Variants in CACNA1G observed in about 807,000 individuals in gnomAD.
CACNA1G encodes the protein voltage-dependent T-type calcium channel subunit alpha-1G.
Under a neutral mutation model 219.4 loss-of-function variants are expected in CACNA1G, and 67 were observed. The observed-to-expected ratio is 0.31, with a 90% CI of 0.25 to 0.37. The LOEUF (loss-of-function observed/expected upper bound fraction) is 0.37, where lower values mean the gene tolerates loss of function less well. CACNA1G is among the 10% of genes least tolerant of loss of function. The probability of loss-of-function intolerance (pLI) is 1.00; values close to 1 mark genes in which losing one functional copy is unlikely to be tolerated. For missense variants in CACNA1G, 2,380 were observed against 3,231.4 expected, an observed-to-expected ratio of 0.74 and a Z score of 6.39; for synonymous variants, 1,296 against 1,345.3, an observed-to-expected ratio of 0.96 and a Z score of 0.80.
intron 26 of CACNA1G, among the ~76,000 whole-genome samples, chr17:50,614,316 C>G (rs940655091): frequency 6.6e-6 from 1 of 152,212 alleles, no homozygotes; most frequent in South Asian, 2.1e-4. Context: ...GCTGGCTTCC[C>G]CCTAGACCTC....
At position 50,576,123 on chromosome 17, in the gene CACNA1G, G is replaced by T. The variant is rs1200388606; in HGVS notation, c.1721G>T (p.Arg574Met). ...EPVRCQAPPP[R>M]SPSEASGRTV... ...GTCCGCTGCCAGGCGCCCCCTCCCAGGTCCCCATCTGAGGCATCCGGCAGG... is the reference window on the plus strand; with the variant it reads ...GTCCGCTGCCAGGCGCCCCCTCCCATGTCCCCATCTGAGGCATCCGGCAGG... Residue 574 changes from arginine (R) to methionine (M), a missense_variant, in exon 8 of 38, where the codon AGG (arginine) becomes ATG (methionine). Coordinates refer to ENST00000359106, the MANE Select transcript of CACNA1G (RefSeq NM_018896.5). 6.2e-7 allele frequency: 1 copy of T among 1,603,130 alleles called. No individual in the cohort carries two copies. The highest frequency in any genetic ancestry group is 1.7e-5 in the Admixed American group (1 of 58,900).
Position 50,576,034 on chromosome 17 carries a change from G to C in CACNA1G, c.1632G>C (p.Gly544=). The C allele has an allele frequency of 6.4e-7, 1 of 1,569,646 alleles. No individual in the cohort carries two copies. The highest frequency in any genetic ancestry group is 8.6e-7 in the Non-Finnish European group (1 of 1,158,420). The change falls in exon 8 of 38, where the codon GGG becomes GGC. Residue 544 remains glycine (G), a synonymous_variant. Transcript: ENST00000359106. ...LPPPSTPALS[G]APPGGAESVH... ...CACCCTCGACGCCTGCCCTCTCCGG[G>C]GCCCCCCCTGGTGGCGCAGAGTCTG...
At chr17:50,623,667 G>A (rs1487456659) in intron 35 of CACNA1G, among the ~76,000 whole-genome samples, 1 of 152,062 alleles carries the variant, frequency 6.6e-6, no homozygotes, top group African/African-American at 2.4e-5. Flanking sequence ...GGCAGGGCCT[G>A]CAGACTCTCC....
Position 50,609,908 on chromosome 17 carries a change from TC to T in CACNA1G, c.4734del (p.Gly1579AlafsTer45). The T allele has an allele frequency of 6.2e-7, 1 of 1,611,540 alleles. No individual in the cohort carries two copies. The highest frequency in any genetic ancestry group is 8.5e-7 in the Non-Finnish European group (1 of 1,179,816). ...RNLMLDDVIA[S>X]GSSASAASEA... ...TCTAATGCTGGACGATGTAATTGCTTCCGGCAGCTCAGCCAGCGCTGCGTCA... is the reference window on the plus strand; with the variant it reads ...TCTAATGCTGGACGATGTAATTGCTTCGGCAGCTCAGCCAGCGCTGCGTCA... On this transcript the variant is annotated frameshift_variant, in exon 26 of 38. Coordinates refer to ENST00000359106, the MANE Select transcript of CACNA1G (RefSeq NM_018896.5). LOFTEE classifies it high-confidence loss of function.
At position 50,576,261 on chromosome 17, in the gene CACNA1G, C is replaced by T; in HGVS notation, c.1859C>T (p.Thr620Ile). Residue 620 changes from threonine to isoleucine, a missense_variant, in exon 8 of 38, where the codon ACC (threonine) becomes ATC (isoleucine). By Grantham distance (89) the Thr-to-Ile change is moderately conservative. Around this residue, in one of 17 missense-constraint regions of CACNA1G, gnomAD observed 434 missense variants for 417.3 expected, o/e 1.04. Transcript: ENST00000359106. The part of the protein sequence containing the change: ...VAASSGPPTL[T>I]SLNIPPGPYS... Reference sequence around the variant, plus strand: ...GCCAGCTCTGGGCCCCCAACCCTCACCAGCCTCAACATCCCACCCGGGCCC... The same window carrying T: ...GCCAGCTCTGGGCCCCCAACCCTCATCAGCCTCAACATCCCACCCGGGCCC... 6.3e-7 allele frequency: 1 copy of T among 1,592,394 alleles called. No homozygotes were observed. Among genetic ancestry groups the T allele is most frequent in the South Asian group, 1.1e-5 (1 of 87,682 alleles).
intron 26 of CACNA1G, 39 bp from the exon 27 acceptor site, chr17:50,615,322 G>A: frequency 6.6e-7 from 1 of 1,523,678 alleles, no homozygotes; most frequent in Non-Finnish European, 8.9e-7. Context: ...GGGGGGCAGG[G>A]GCCTGACGCT....
chr17:50,578,099 C>A lies in CACNA1G; in HGVS notation c.1925-89C>A, dbSNP rs887905788. The A allele has an allele frequency of 3.5e-6, 5 of 1,442,678 alleles. No homozygotes were observed. The African/African-American group carries it at 4.3e-5, about 12-fold the overall frequency. 89.4% of individuals were successfully genotyped at this position (1,442,678 alleles called of 1,614,324 possible). ...ACCCCATCACTGTAACAACCCCAGA[C>A]TCCCTGACTCATTTTACACATACTC... On this transcript the variant is annotated intron_variant, in intron 8 of 37. Transcript: ENST00000359106. This position sits in a 1 kb window ranked among gnomAD's most constrained non-coding sequence, Gnocchi z 4.5.
Position 50,626,338 on chromosome 17 carries a change from C to G in CACNA1G, c.6721C>G (p.Arg2241Gly). The change falls in exon 38 of 38, where the codon CGG (arginine) becomes GGG (glycine). Residue 2241 changes from arginine to glycine, a missense_variant. Arg to Gly is a moderately radical substitution (Grantham distance 125). Around this residue, in one of 17 missense-constraint regions of CACNA1G, gnomAD observed 672 missense variants for 670.5 expected, o/e 1.00. Coordinates refer to ENST00000359106, the MANE Select transcript of CACNA1G (RefSeq NM_018896.5). The surrounding 1 kb of genome is among the most constrained non-coding windows in gnomAD (Gnocchi z 4.3). The stretch of plus-strand genomic sequence containing the variant: ...CGGCCAGGAGGAGCCCCCATCCCCA[C>G]GGGACCTGAAGAAGTGCTACAGCGT... ...PGGQEEPPSP[R>G]DLKKCYSVEA... 1.9e-6 allele frequency: 3 copies of G among 1,613,194 alleles called. No homozygotes were observed. Among genetic ancestry groups the G allele is most frequent in the Non-Finnish European group, 2.5e-6 (3 of 1,179,852 alleles).
chr17:50,578,637 C>G lies in CACNA1G; in HGVS notation c.2301+73C>G, dbSNP rs561797982. ...GGGGCTGGGGCCTTCTACCTCCCTCCGCACCCCTCCTCCTGAGCTCAGCTT... is the reference window on the plus strand; with the variant it reads ...GGGGCTGGGGCCTTCTACCTCCCTCGGCACCCCTCCTCCTGAGCTCAGCTT... On this transcript the variant is annotated intron_variant, in intron 9 of 37. Coordinates refer to ENST00000359106, the MANE Select transcript of CACNA1G (RefSeq NM_018896.5). The surrounding 1 kb of genome is among the most constrained non-coding windows in gnomAD (Gnocchi z 4.5). 4.9e-5 allele frequency: 69 copies of G among 1,417,162 alleles called. No homozygotes were observed. Among genetic ancestry groups the G allele is most frequent in the Admixed American group, 1.2e-4 (5 of 42,028 alleles). 87.8% of individuals were successfully genotyped at this position (1,417,162 alleles called of 1,614,324 possible). A position where few individuals can be genotyped will look rare whatever the true frequency, so the allele number is the denominator to read the frequency against.
chr17:50,592,719 C>A (rs1008322995), intron 13 of CACNA1G, among the ~76,000 whole-genome samples: 3 of 152,182 alleles, frequency 2.0e-5, no homozygotes, highest in African/African-American at 7.2e-5. Context: ...GAGGGCTGCA[C>A]CCCCTCCTCT....
In CACNA1G at chr17:50,575,731, C is replaced by A. The variant is rs368286715; in HGVS notation, c.1329C>A (p.Ile443=). 4 of 1,588,958 alleles carry A rather than the reference C, an allele frequency of 2.5e-6. No homozygotes were observed. Among genetic ancestry groups the A allele is most frequent in the East Asian group, 2.3e-5 (1 of 43,496 alleles). Residue 443 remains isoleucine, a synonymous_variant, in exon 8 of 38, where the codon ATC becomes ATA. Transcript: ENST00000359106. ...YEELLKYLVY[I]LRKAARRLAQ... ...AGCTGCTCAAGTACCTGGTGTACAT[C>A]CTTCGTAAGGCAGCCCGCAGGCTGG... is the stretch of plus-strand genomic sequence containing the variant.
Position 50,618,536 on chromosome 17 carries a change from C to G in CACNA1G, c.5428-119C>G, listed in dbSNP as rs934127415. 4.0e-6 allele frequency: 4 copies of G among 1,012,378 alleles called. No homozygotes were observed. Among genetic ancestry groups the G allele is most frequent in the Middle Eastern group, 2.2e-4 (1 of 4,468 alleles). 62.7% of individuals were successfully genotyped at this position (1,012,378 alleles called of 1,614,324 possible). A position where few individuals can be genotyped will look rare whatever the true frequency, so the allele number is the denominator to read the frequency against. ...TAGTGCTCCTCTGCCCCCAAACACT[C>G]CCTCCTCCTCCCCTTCCTTCCCATC... On this transcript the variant is annotated intron_variant, in intron 32 of 37. Coordinates refer to ENST00000359106, the MANE Select transcript of CACNA1G (RefSeq NM_018896.5). This position sits in a 1 kb window ranked among gnomAD's most constrained non-coding sequence, Gnocchi z 5.3.
intron 10 of CACNA1G, 110 bp from the exon 11 acceptor site, chr17:50,591,325 T>C: frequency 8.9e-7 from 1 of 1,127,748 alleles, no homozygotes; most frequent in Non-Finnish European, 1.2e-6. Flanking sequence ...CCCCATTTTC[T>C]CTCGACGTGC....
chr17:50,616,474 A>G (rs2050630828), intron 28 of CACNA1G, 90 bp downstream of exon 28: 1 of 766,758 alleles, frequency 1.3e-6, no homozygotes, highest in South Asian at 1.9e-5. Context: ...CCTAGTGTCT[A>G]AGACTTTTCT....
At chr17:50,564,606 G>C (rs539666723) in intron 1 of CACNA1G, among the ~76,000 whole-genome samples, 1 of 151,884 alleles carries the variant, frequency 6.6e-6, no homozygotes, top group Admixed American at 6.6e-5. Flanking sequence ...GTGTCTGAGT[G>C]TGTCCCTCTA....
In CACNA1G at chr17:50,561,541, G is replaced by A. The variant is rs1255435687; in HGVS notation, c.82G>A (p.Ala28Thr). The change falls in exon 1 of 38, where the codon GCC (alanine) becomes ACC (threonine). Residue 28 changes from alanine to threonine, a missense_variant. By Grantham distance (58) the Ala-to-Thr change is moderately conservative. This residue lies in a region of CACNA1G where 98 missense variants were observed against 85.5 expected (regional missense o/e 1.15). Coordinates refer to ENST00000359106, the MANE Select transcript of CACNA1G (RefSeq NM_018896.5). ...CATGCGGCTCAACGACCTGTCGGGG[G>A]CCGGGGGCCGGCCGGGGCCGGGGTC... is the stretch of plus-strand genomic sequence containing the variant. Reference protein sequence around the residue: ...SFMRLNDLSGAGGRPGPGSAE... With the variant: ...SFMRLNDLSGTGGRPGPGSAE... 1.9e-6 allele frequency: 3 copies of A among 1,538,818 alleles called. No homozygotes were observed. Among genetic ancestry groups the A allele is most frequent in the Non-Finnish European group, 1.7e-6 (2 of 1,146,550 alleles).
rs2051029248 is a variant in CACNA1G at position 50,618,427 on chromosome 17, A to G, written c.5427+84A>G. ...TTCCTTGGGAAGATGAATTGGCCACAAATAAAAGCATGTGACCTTCTCTCC... is the reference window on the plus strand; with the variant it reads ...TTCCTTGGGAAGATGAATTGGCCACGAATAAAAGCATGTGACCTTCTCTCC... On this transcript the variant is annotated intron_variant, in intron 32 of 37. Transcript: ENST00000359106. The surrounding 1 kb of genome is among the most constrained non-coding windows in gnomAD (Gnocchi z 5.3). The G allele has an allele frequency of 6.4e-7, 1 of 1,553,184 alleles. No homozygotes were observed. The highest frequency in any genetic ancestry group is 1.4e-5 in the African/African-American group (1 of 73,578).
chr17:50,605,538 G>C (rs2047767108), intron 22 of CACNA1G, among the ~76,000 whole-genome samples: 1 of 152,234 alleles, frequency 6.6e-6, no homozygotes, highest in Non-Finnish European at 1.5e-5. Flanking sequence ...CAGAGTGTAT[G>C]ATTCAGCAGA....
At chr17:50,609,166 C>G (rs535255426) in intron 25 of CACNA1G, among the ~76,000 whole-genome samples, 22 of 152,154 alleles carry the variant, frequency 1.4e-4, no homozygotes, top group Non-Finnish European at 2.2e-4. Context: ...CTGCCCTCAG[C>G]TCTATCTCCC....
Sources: gnomAD v4.1 joint callset for allele counts (sites outside exome capture counted in the v4.1 genomes callset) on GRCh38, gnomAD v4.1.1 for gene constraint, gnomAD v4.1.1 regional missense constraint, Gnocchi (gnomAD v3.1) non-coding constraint, MANE v1.5 for transcripts, NCBI Gene and HGNC (gene_info 2026-07-23, HGNC 2026-07-21) for gene names.